The following RUNX3 variants were observed in gnomAD, a reference collection of about 807,000 sequenced individuals.
RUNX3 encodes RUNX family transcription factor 3.
RUNX3 carries 10 observed loss-of-function variants against 27.7 expected under a neutral mutation model. The observed-to-expected ratio is 0.36, with a 90% CI of 0.22 to 0.61. The LOEUF (loss-of-function observed/expected upper bound fraction) is 0.61, where lower values mean the gene tolerates loss of function less well. Ranked by LOEUF, RUNX3 falls within the 20% of genes least tolerant of loss-of-function variation. The pLI is 0.72. For missense variants in RUNX3, 469 were observed against 629.5 expected, an observed-to-expected ratio of 0.75 and a Z score of 2.73; for synonymous variants, 270 against 269.2, an observed-to-expected ratio of 1.00 and a Z score of -0.03.
rs1235320329 is a variant in RUNX3 at position 24,943,384 on chromosome 1, A to C, written c.59-13532T>G. On this transcript the variant is annotated intron_variant, in intron 2 of 6. Coordinates refer to the RUNX3 transcript ENST00000338888. The surrounding 1 kb of genome is among the most constrained non-coding windows in gnomAD (Gnocchi z 4.6). ...AGGATGTTAGAATCTTCATCGCAGT[A>C]GCTCCCACTGATGGTGTGCTCACGG... Among the ~76,000 whole-genome samples, 1 of 152,180 alleles carries C rather than the reference A, an allele frequency of 6.6e-6. No individual in the cohort carries two copies. The highest frequency in any genetic ancestry group is 1.5e-5 in the Non-Finnish European group (1 of 68,024).
intron 2 of RUNX3, among the ~76,000 whole-genome samples, chr1:24,963,618 T>A (rs879377285): frequency 6.6e-6 from 1 of 152,164 alleles, no homozygotes. Flanking sequence ...CACTGAGCCG[T>A]GGGACTTGAG....
At position 24,943,553 on chromosome 1, in the gene RUNX3, C is replaced by G. The variant is rs1385108996; in HGVS notation, c.59-13701G>C. ...AGTAGCCTGCCAAACACACAGCTACCAGGTTTTTGTCTTAGGAAATAAGAG... is the reference window on the plus strand; with the variant it reads ...AGTAGCCTGCCAAACACACAGCTACGAGGTTTTTGTCTTAGGAAATAAGAG... On this transcript the variant is annotated intron_variant, in intron 2 of 6. Transcript: ENST00000338888. The surrounding 1 kb of genome is among the most constrained non-coding windows in gnomAD (Gnocchi z 4.6). Among the ~76,000 whole-genome samples, 13 of 152,182 alleles carry G rather than the reference C, an allele frequency of 8.5e-5. No individual in the cohort carries two copies. The highest frequency in any genetic ancestry group is 8.5e-4 in the Admixed American group (13 of 15,280).
chr1:24,941,990 G>T (rs898516465), intron 2 of RUNX3, among the ~76,000 whole-genome samples: 2 of 152,188 alleles, frequency 1.3e-5, no homozygotes, highest in African/African-American at 4.8e-5. Context: ...CCCACTGAAT[G>T]TCCTCAGACC....
Position 24,904,590 on chromosome 1 carries a change from TGG to T in RUNX3, c.704-1926_704-1925del, listed in dbSNP as rs1640625806. On this transcript the variant is annotated intron_variant, in intron 4 of 4. Transcript: ENST00000308873. This position sits in a 1 kb window ranked among gnomAD's most constrained non-coding sequence, Gnocchi z 5.7. ...GCTGGGCACGTCAGCACAGCTGAGA[TGG>T]GTGGGGTGGAAGTGGGTGCTGGCCG... 6.6e-6 allele frequency among the ~76,000 whole-genome samples: 1 copy of T among 152,052 alleles called. No individual in the cohort carries two copies. The highest frequency in any genetic ancestry group is 1.5e-5 in the Non-Finnish European group (1 of 67,974).
Position 24,929,573 on chromosome 1 carries a change from G to T in RUNX3, c.282+14C>A, listed in dbSNP as rs761224115. On this transcript the variant is annotated intron_variant, in intron 1 of 4. Coordinates refer to ENST00000308873, the MANE Select transcript of RUNX3 (RefSeq NM_004350.3). ...CCAGGGCCGGCGCCCTCCCGCCCCG[G>T]GTCCCGCACTCACCTTGAAGGCGAC... 84 of 1,597,852 alleles carry T rather than the reference G, an allele frequency of 5.3e-5. No homozygotes were observed. Among genetic ancestry groups the T allele is most frequent in the Non-Finnish European group, 6.8e-5 (80 of 1,175,498 alleles).
At chr1:24,961,406 A>G (rs1472616765) in intron 2 of RUNX3, 3 of 152,112 alleles carry the variant, frequency 2.0e-5, no homozygotes, top group Admixed American at 1.3e-4. Flanking sequence ...GCTCGGTGAT[A>G]ATTCTAGGGA....
In RUNX3 at chr1:24,918,649, C is replaced by G. The variant is rs138485179; in HGVS notation, c.544+591G>C. ...GGACACAGAGCCTCAGCCTACCCTC[C>G]CACTTCCCCAGCCTTAATCTGACCT... On this transcript the variant is annotated intron_variant, in intron 3 of 4. Coordinates refer to ENST00000308873, the MANE Select transcript of RUNX3 (RefSeq NM_004350.3). Among the ~76,000 whole-genome samples, 610 of 152,212 alleles carry G rather than the reference C, an allele frequency of 4.0e-3. 6 individuals carry two copies. The highest frequency in any genetic ancestry group is 0.014 in the African/African-American group (570 of 41,534).
At chr1:24,951,280 G>A (rs1571354568) in intron 2 of RUNX3, among the ~76,000 whole-genome samples, 1 of 151,286 alleles carries the variant, frequency 6.6e-6, no homozygotes, top group African/African-American at 2.4e-5. Context: ...CCCTGCATGT[G>A]TTGCCATGGG....
At chr1:24,929,265 G>A (rs900113917) in intron 1 of RUNX3, 5 of 592,676 alleles carry the variant, frequency 8.4e-6, no homozygotes, top group African/African-American at 5.5e-5. Context: ...TCCGTTACCC[G>A]CAGGGCTGTA....
At chr1:24,931,763 C>A (rs903012684), upstream of RUNX3, among the ~76,000 whole-genome samples, 9 of 152,212 alleles carry the variant, frequency 5.9e-5, no homozygotes, top group Non-Finnish European at 1.2e-4. Flanking sequence ...TCTGGACTCA[C>A]CCCGACCACC....
intron 2 of RUNX3, among the ~76,000 whole-genome samples, chr1:24,954,209 T>G (rs1346267086): frequency 6.6e-6 from 1 of 152,078 alleles, no homozygotes; most frequent in Non-Finnish European, 1.5e-5. Flanking sequence ...ATGATAGTGG[T>G]TTTTTCTGGG....
chr1:24,955,874 A>T (rs1641907159), intron 2 of RUNX3, among the ~76,000 whole-genome samples: 1 of 152,234 alleles, frequency 6.6e-6, no homozygotes, highest in Admixed American at 6.5e-5. Flanking sequence ...CAGTGCCCAG[A>T]ACAGTGCTTG....
intron 3 of RUNX3, among the ~76,000 whole-genome samples, chr1:24,909,684 A>G (rs1279307057): frequency 6.6e-6 from 1 of 152,160 alleles, no homozygotes; most frequent in South Asian, 2.1e-4. Context: ...CTTCCCCTTT[A>G]GTTCCCTTAC....
chr1:24,932,594 C>G (rs1402545448), upstream of RUNX3, among the ~76,000 whole-genome samples: 1 of 152,340 alleles, frequency 6.6e-6, no homozygotes, highest in African/African-American at 2.4e-5. Context: ...AGGCCGCCTT[C>G]CTCACCTCTG....
chr1:24,949,561 G>C (rs1246816653), intron 2 of RUNX3, among the ~76,000 whole-genome samples: 1 of 152,242 alleles, frequency 6.6e-6, no homozygotes, highest in Non-Finnish European at 1.5e-5. Flanking sequence ...TTGATTTCTA[G>C]TCCAAGTTGT....
At chr1:24,947,520 C>T (rs1007163891) in intron 2 of RUNX3, among the ~76,000 whole-genome samples, 5 of 152,178 alleles carry the variant, frequency 3.3e-5, no homozygotes, top group African/African-American at 4.8e-5. Flanking sequence ...CAGCCAAGCC[C>T]GGTCTTTGAG....
rs1335576181 is a variant in RUNX3, at chr1:24,904,195, C to T, written c.704-1529G>A. ...CCAAAGGATAAGGGCCGGTGCTAGC[C>T]GGAGTGGGCTCTGCCTGCCACGCCG... On this transcript the variant is annotated intron_variant, in intron 4 of 4. Transcript: ENST00000308873. This position sits in a 1 kb window ranked among gnomAD's most constrained non-coding sequence, Gnocchi z 5.7. Among the ~76,000 whole-genome samples the T allele has an allele frequency of 6.6e-6, 1 of 152,166 alleles. No individual in the cohort carries two copies. Among genetic ancestry groups the T allele is most frequent in the Non-Finnish European group, 1.5e-5 (1 of 68,026 alleles).
At chr1:24,948,721 G>A (rs1167514770) in intron 2 of RUNX3, among the ~76,000 whole-genome samples, 1 of 148,388 alleles carries the variant, frequency 6.7e-6, no homozygotes, top group Non-Finnish European at 1.5e-5. Context: ...ACATGGCAGG[G>A]GTGCATTGGG....
intron 2 of RUNX3, among the ~76,000 whole-genome samples, chr1:24,951,666 G>A (rs1641770670): frequency 6.6e-6 from 1 of 152,202 alleles, no homozygotes; most frequent in Non-Finnish European, 1.5e-5. Context: ...ATGGGGCCAA[G>A]AGAAGACCAA....
Sources: gnomAD v4.1 joint callset for allele counts (sites outside exome capture counted in the v4.1 genomes callset) on GRCh38, gnomAD v4.1.1 for gene constraint, Gnocchi (gnomAD v3.1) non-coding constraint, MANE v1.5 for transcripts, NCBI Gene and HGNC (gene_info 2026-07-23, HGNC 2026-07-21) for gene names.